EDA2R: variants seen among roughly 807,000 people sequenced by gnomAD.
EDA2R encodes ectodysplasin A2 receptor, also known as tumor necrosis factor receptor superfamily member 27.
Under a neutral mutation model 20.1 loss-of-function variants are expected in EDA2R, and 26 were observed. The observed-to-expected ratio is 1.30, with a 90% CI of 0.95 to 1.80. The LOEUF is 1.80. Ranked by LOEUF, EDA2R falls within the 40% of genes most tolerant of loss-of-function variation. The pLI, the probability that EDA2R is intolerant of heterozygous loss-of-function variation, is 0.00. For synonymous variants in EDA2R, 114 were observed against 88.7 expected (o/e 1.29, Z -1.60); for missense variants, 277 against 228.7 (o/e 1.21, Z -1.36).
intron 2 of EDA2R, among the ~76,000 whole-genome samples, chrX:66,612,875 T>C (rs998485839): frequency 2.7e-5 from 3 of 111,286 alleles, no homozygotes; most frequent in African/African-American, 9.8e-5. Context: ...TTCTCCTTCA[T>C]AATTAGGAGG....
intron 6 of EDA2R, 23 bp downstream of exon 6, chrX:66,599,451 T>TTC: frequency 1.8e-6 from 2 of 1,107,938 alleles, no homozygotes; most frequent in Non-Finnish European, 2.4e-6. Context: ...TTTGTTTTTT[T>TTC]CTGATCCACC....
intron 2 of EDA2R, 68 bp from the exon 3 acceptor site, chrX:66,605,294 A>G: frequency 9.3e-7 from 1 of 1,074,883 alleles, no homozygotes; most frequent in Non-Finnish European, 1.2e-6. Context: ...CTGTGGGACA[A>G]GTGGACTGTA....
At chrX:66,629,063 C>T (rs868527950) in intron 1 of EDA2R, among the ~76,000 whole-genome samples, 52 of 111,592 alleles carry the variant, frequency 4.7e-4, no homozygotes, top group Admixed American at 4.0e-3. Flanking sequence ...TGTGATATAC[C>T]CCATAAACAG....
At chrX:66,637,389 C>T (rs770460445) in intron 1 of EDA2R, among the ~76,000 whole-genome samples, 2 of 111,471 alleles carry the variant, frequency 1.8e-5, no homozygotes, top group East Asian at 5.7e-4. Context: ...GCTGACTAAC[C>T]TTTTACCAGA....
At chrX:66,628,700 A>T (rs1287309083) in intron 1 of EDA2R, among the ~76,000 whole-genome samples, 1 of 102,985 alleles carries the variant, frequency 9.7e-6, no homozygotes, top group Non-Finnish European at 2.0e-5. Flanking sequence ...TAATTAAAAC[A>T]TTACCAAAAA....
intron 1 of EDA2R, among the ~76,000 whole-genome samples, chrX:66,617,042 C>A (rs1370283048): frequency 8.9e-6 from 1 of 111,893 alleles, no homozygotes; most frequent in Non-Finnish European, 1.9e-5. Flanking sequence ...TGGGGCTTAT[C>A]CTACTCAAAG....
chrX:66,609,187 A>C (rs1486363361), intron 2 of EDA2R, among the ~76,000 whole-genome samples: 1 of 112,125 alleles, frequency 8.9e-6, no homozygotes, highest in Non-Finnish European at 1.9e-5. Flanking sequence ...CCTACTCCCC[A>C]ACATGGATTG....
chrX:66,635,160 T>C (rs781480810), intron 1 of EDA2R, among the ~76,000 whole-genome samples: 36 of 112,081 alleles, frequency 3.2e-4, no homozygotes, highest in Admixed American at 1.0e-3. Flanking sequence ...ATGCTAGGCA[T>C]TCTATTAGAA....
chrX:66,605,025 T>G (rs1366394884), intron 3 of EDA2R, 23 bp downstream of exon 3: 2 of 1,178,976 alleles, frequency 1.7e-6, no homozygotes, highest in African/African-American at 3.5e-5. Flanking sequence ...CCAGACAAGC[T>G]TGGTCTCATA....
intron 1 of EDA2R, among the ~76,000 whole-genome samples, chrX:66,637,305 G>A (rs190000037): frequency 9.0e-6 from 1 of 111,588 alleles, no homozygotes; most frequent in East Asian, 2.8e-4. Flanking sequence ...CCACAGCCAC[G>A]ACCTCAGTTC....
At chrX:66,600,091 T>G in intron 5 of EDA2R, 1 of 1,155,257 alleles carries the variant, frequency 8.7e-7, no homozygotes, top group Non-Finnish European at 1.2e-6. Context: ...AAATAATCAA[T>G]TTCTCTAGAG....
intron 5 of EDA2R, among the ~76,000 whole-genome samples, chrX:66,602,072 T>A (rs993537171): frequency 1.8e-5 from 2 of 111,663 alleles, no homozygotes; most frequent in African/African-American, 6.5e-5. Context: ...TTATCCCCAT[T>A]TGTGAAGTTA....
In EDA2R at chrX:66,600,146, T is replaced by C. The variant is rs1928293396; in HGVS notation, c.518-286A>G. On this transcript the variant is annotated intron_variant, in intron 5 of 6. Transcript: ENST00000374719. ...AAACAGGATTTTGATACCATCTCCC[T>C]TGCCATAATCTTCATGGCCTGGTCT... is the stretch of plus-strand genomic sequence containing the variant. 3 of 976,504 alleles carry C rather than the reference T, an allele frequency of 3.1e-6. No individual in the cohort carries two copies. The South Asian group carries it at 6.9e-5, about 22-fold the overall frequency. The allele number at this position is 976,504 out of a possible 1,213,427, so 80.5% of individuals were successfully genotyped here.
intron 3 of EDA2R, among the ~76,000 whole-genome samples, chrX:66,604,786 T>C (rs755112286): frequency 8.9e-6 from 1 of 111,809 alleles, no homozygotes; most frequent in African/African-American, 3.3e-5. Context: ...CTTTTAAGTC[T>C]ACAGTGAGAT....
At chrX:66,610,949 A>G (rs184254136) in intron 2 of EDA2R, among the ~76,000 whole-genome samples, 1 of 111,377 alleles carries the variant, frequency 9.0e-6, no homozygotes, top group East Asian at 2.8e-4. Flanking sequence ...CCCACATAGG[A>G]ACAGGTGGCT....
chrX:66,635,726 C>T (rs1452620033), intron 1 of EDA2R, among the ~76,000 whole-genome samples: 2 of 111,797 alleles, frequency 1.8e-5, no homozygotes. Context: ...TCTTGCAGTT[C>T]TGGCACAGAT....
chrX:66,612,668 G>A (rs1171789344), intron 2 of EDA2R, among the ~76,000 whole-genome samples: 1 of 110,876 alleles, frequency 9.0e-6, no homozygotes, highest in Admixed American at 9.6e-5. Flanking sequence ...AACACAAAAA[G>A]AATAAAATGT....
chrX:66,608,214 G>C (rs1157905823), intron 2 of EDA2R, among the ~76,000 whole-genome samples: 1 of 111,189 alleles, frequency 9.0e-6, no homozygotes, highest in Non-Finnish European at 1.9e-5. Context: ...CATCATGCAG[G>C]TGACCAATAT....
chrX:66,629,641 C>G (rs965362236), intron 1 of EDA2R, among the ~76,000 whole-genome samples: 9 of 111,033 alleles, frequency 8.1e-5, no homozygotes, highest in Admixed American at 5.7e-4. Flanking sequence ...ACCATGGACG[C>G]AAAAAACCTC....
Sources: gnomAD v4.1 joint callset for allele counts (sites outside exome capture counted in the v4.1 genomes callset) on GRCh38, gnomAD v4.1.1 for gene constraint, MANE v1.5 for transcripts, NCBI Gene and HGNC (gene_info 2026-07-23, HGNC 2026-07-21) for gene names.